BCL3: variants seen among roughly 807,000 people sequenced by gnomAD.
BCL3 encodes the protein B-cell lymphoma 3 protein.
Under a neutral mutation model 35.7 loss-of-function variants are expected in BCL3, and 15 were observed. The ratio of observed to expected loss-of-function variants is 0.42; its 90% CI spans 0.28 to 0.65. BCL3 has a LOEUF of 0.65. BCL3 is among the 30% of genes least tolerant of loss of function. The probability of loss-of-function intolerance (pLI) is 0.22; values close to 1 mark genes in which losing one functional copy is unlikely to be tolerated. For synonymous variants in BCL3, 311 were observed against 284.3 expected (o/e 1.09, Z -0.95); for missense variants, 565 against 641.7 (o/e 0.88, Z 1.29).
chr19:44,751,953 A>C (rs1967188439), intron 2 of BCL3, among the ~76,000 whole-genome samples: 1 of 152,180 alleles, frequency 6.6e-6, no homozygotes, highest in African/African-American at 2.4e-5. Context: ...TCACAACCTA[A>C]AAACAAGAAA....
At chr19:44,752,352 C>G (rs1228916752) in intron 2 of BCL3, among the ~76,000 whole-genome samples, 2 of 151,772 alleles carry the variant, frequency 1.3e-5, no homozygotes, top group Non-Finnish European at 2.9e-5. Flanking sequence ...AGACGCTACC[C>G]CCACACCTGG....
At position 44,759,620 on chromosome 19, in the gene BCL3, G is replaced by A. The variant is rs199642968; in HGVS notation, c.*5G>A. ...CCAGCTCCAGGAGGCAGCTGAGGGG[G>A]ATGGGGGGGCAGATCTTGGACTCAT... On this transcript the variant is annotated 3_prime_UTR_variant, in exon 9 of 9. Coordinates refer to ENST00000164227, the MANE Select transcript of BCL3 (RefSeq NM_005178.5). 7,271 of 1,600,774 alleles carry A rather than the reference G, an allele frequency of 4.5e-3. 28 individuals carry two copies. Among genetic ancestry groups the A allele is most frequent in the Non-Finnish European group, 5.6e-3 (6,552 of 1,177,104 alleles).
rs868370649 is a variant in BCL3, at chr19:44,748,923, G to A, written c.133G>A (p.Ala45Thr). ...RPLRAPSPEP[A>T]APRGAAGLVV... Reference sequence around the variant, plus strand: ...GCTGCGCGCGCCCTCCCCGGAGCCCGCCGCTCCCCGCGGCGCTGCGGGCCT... The same window carrying A: ...GCTGCGCGCGCCCTCCCCGGAGCCCACCGCTCCCCGCGGCGCTGCGGGCCT... The change falls in exon 1 of 9, where the codon GCC (alanine) becomes ACC (threonine). Residue 45 changes from alanine (A) to threonine (T), a missense_variant. Ala to Thr is a moderately conservative substitution (Grantham distance 58). Transcript: ENST00000164227. 6.3e-5 allele frequency: 74 copies of A among 1,178,526 alleles called. No homozygotes were observed. In the African/African-American group the frequency reaches 1.1e-3, roughly 18 times the overall value. The allele number at this position is 1,178,526 out of a possible 1,614,324, so 73.0% of individuals were successfully genotyped here.
chr19:44,747,937 A>AAAC, upstream of BCL3: 1 of 1,050,004 alleles, frequency 9.5e-7, no homozygotes, highest in Non-Finnish European at 1.2e-6. Context: ...CCCCACCCTC[A>AAAC]CCCCACCCCC....
In BCL3 at chr19:44,759,716, C is replaced by G. The variant is rs1323679018; in HGVS notation, c.*101C>G. 6.2e-6 allele frequency: 4 copies of G among 650,034 alleles called. No homozygotes were observed. The Admixed American group carries it at 9.5e-5, about 16-fold the overall frequency. 40.3% of individuals were successfully genotyped at this position (650,034 alleles called of 1,614,324 possible). On this transcript the variant is annotated 3_prime_UTR_variant, in exon 9 of 9. Coordinates refer to ENST00000164227, the MANE Select transcript of BCL3 (RefSeq NM_005178.5). ...GTGAAGATCTCACTCTGCCCCCCCC[C>G]CCCATCTTCGGGACCAGGATTTGCA...
chr19:44,755,912 C>CAAACAAATAAAA (rs1967270880), intron 2 of BCL3, among the ~76,000 whole-genome samples: 1 of 152,032 alleles, frequency 6.6e-6, no homozygotes, highest in Non-Finnish European at 1.5e-5. Flanking sequence ...GAACAACACT[C>CAAACAAATAAAA]CGTCTCAAAC....
At position 44,757,631 on chromosome 19, in the gene BCL3, C is replaced by T; in HGVS notation, c.814-15C>T. 2.5e-6 allele frequency: 4 copies of T among 1,613,154 alleles called. No individual in the cohort carries two copies. The highest frequency in any genetic ancestry group is 2.5e-6 in the Non-Finnish European group (3 of 1,179,528). ...CAGAGCTTGGAGAAACTAAGACCTT[C>T]CCTCCCCGCCGCAGGACATTAAGAG... On this transcript the variant is annotated splice_polypyrimidine_tract_variant and intron_variant, in intron 5 of 8. Transcript: ENST00000164227. This position sits in a 1 kb window ranked among gnomAD's most constrained non-coding sequence, Gnocchi z 8.4.
In BCL3 at chr19:44,748,994, G is replaced by T. The variant is rs767139194; in HGVS notation, c.204G>T (p.Ala68=). The T allele has an allele frequency of 1.6e-5, 22 of 1,384,752 alleles. No homozygotes were observed. In the African/African-American group the frequency reaches 3.2e-4, roughly 20 times the overall value. 85.8% of individuals were successfully genotyped at this position (1,384,752 alleles called of 1,614,324 possible). A position where few individuals can be genotyped will look rare whatever the true frequency, so the allele number is the denominator to read the frequency against. ...DPLRGGCDLP[A]VPGPPHGLAR... is the part of the protein sequence containing the mutation. ...TGCGCGGCGGCTGCGACCTGCCGGC[G>T]GTCCCCGGGCCCCCCCACGGCCTGG... Residue 68 remains alanine (A), a synonymous_variant, in exon 1 of 9, where the codon GCG becomes GCT. Transcript: ENST00000164227.
chr19:44,747,868 C>T, upstream of BCL3: 1 of 1,147,136 alleles, frequency 8.7e-7, no homozygotes, highest in Non-Finnish European at 1.1e-6. Flanking sequence ...CGGTGCCCCG[C>T]GGGCCCCGGC....
intron 1 of BCL3, 89 bp downstream of exon 1, chr19:44,749,135 C>G (rs1455887471): frequency 4.9e-6 from 3 of 616,164 alleles, no homozygotes; most frequent in Non-Finnish European, 6.7e-6. Context: ...AGGCACAAAC[C>G]GGTGTCTCTC....
In BCL3 at chr19:44,759,421, TC is replaced by T; in HGVS notation, c.1178-5del. ...CACCCACCCCTCTGTCTCTCTTCCT[TC>T]CTCAGGTCTTCTCTCCGCATCACCA... On this transcript the variant is annotated splice_polypyrimidine_tract_variant and splice_region_variant and intron_variant, in intron 8 of 8. Coordinates refer to ENST00000164227, the MANE Select transcript of BCL3 (RefSeq NM_005178.5). 6.3e-7 allele frequency: 1 copy of T among 1,575,822 alleles called. No homozygotes were observed. Among genetic ancestry groups the T allele is most frequent in the Non-Finnish European group, 8.6e-7 (1 of 1,162,416 alleles).
Position 44,757,361 on chromosome 19 carries a change from G to C in BCL3, c.759G>C (p.Glu253Asp), listed in dbSNP as rs771030162. Residue 253 changes from glutamate (E) to aspartate (D), a missense_variant, in exon 5 of 9, where the codon GAG becomes GAC. Glu to Asp is a conservative substitution (Grantham distance 45). Coordinates refer to ENST00000164227, the MANE Select transcript of BCL3 (RefSeq NM_005178.5). This position sits in a 1 kb window ranked among gnomAD's most constrained non-coding sequence, Gnocchi z 8.4. ...LTALHVAVNT[E>D]CQETVQLLLE... ...CCCTGCACGTGGCAGTGAACACCGA[G>C]TGCCAAGAAACCGTGCAGCTCTTGC... 1.4e-5 allele frequency: 23 copies of C among 1,606,950 alleles called. No individual in the cohort carries two copies. In the East Asian group the frequency reaches 3.2e-4, roughly 22 times the overall value.
chr19:44,747,836 A>G, upstream of BCL3: 1 of 1,149,080 alleles, frequency 8.7e-7, no homozygotes, highest in Non-Finnish European at 1.1e-6. Context: ...CTGTGCACCT[A>G]GGATTTTCCG....
rs901965741 is a variant in BCL3 at position 44,751,325 on chromosome 19, C to G, written c.355C>G (p.His119Asp). ...ATACCCCATGATGTGCCCCATGGAACACCCCCTTTCTGCTGACATCGCCAT... is the reference window on the plus strand; with the variant it reads ...ATACCCCATGATGTGCCCCATGGAAGACCCCCTTTCTGCTGACATCGCCAT... Reference protein sequence around the residue: ...PLYPMMCPMEHPLSADIAMAT... With the variant: ...PLYPMMCPMEDPLSADIAMAT... Residue 119 changes from histidine to aspartate, a missense_variant, in exon 2 of 9, where the codon CAC becomes GAC. This residue lies in a region of BCL3 where 267 missense variants were observed against 281.5 expected (regional missense o/e 0.95). Transcript: ENST00000164227. 3 of 1,605,670 alleles carry G rather than the reference C, an allele frequency of 1.9e-6. No homozygotes were observed. Among genetic ancestry groups the G allele is most frequent in the South Asian group, 2.2e-5 (2 of 89,948 alleles).
Position 44,758,626 on chromosome 19 carries a change from A to G in BCL3, c.1060-98A>G, listed in dbSNP as rs767664508. The G allele has an allele frequency of 5.9e-5, 76 of 1,279,012 alleles. 2 individuals carry two copies. The South Asian group carries it at 9.3e-4, about 16-fold the overall frequency. 79.2% of individuals were successfully genotyped at this position (1,279,012 alleles called of 1,614,324 possible). On this transcript the variant is annotated intron_variant, in intron 7 of 8. Transcript: ENST00000164227. ...CCTTGCCCATCTTTTCATACTGAGA[A>G]GTGGAGAGGCCACCACCTGGATCCA... is the stretch of plus-strand genomic sequence containing the variant.
intron 2 of BCL3, among the ~76,000 whole-genome samples, chr19:44,755,718 G>C (rs1336631860): frequency 6.6e-6 from 1 of 152,128 alleles, no homozygotes; most frequent in Non-Finnish European, 1.5e-5. Flanking sequence ...AGCAGTTAGA[G>C]ACCAGCCTGG....
rs1159804572 is a variant in BCL3 at position 44,757,739 on chromosome 19, CT to C, written c.891+17del. 3 of 1,612,106 alleles carry C rather than the reference CT, an allele frequency of 1.9e-6. No individual in the cohort carries two copies. Among genetic ancestry groups the C allele is most frequent in the Non-Finnish European group, 1.7e-6 (2 of 1,178,830 alleles). ...GCTGCTGCAGGTGCGTACAGCCCCC[CT>C]GAGCCTCGCGCCCACCCTATCCTCT... On this transcript the variant is annotated intron_variant, in intron 6 of 8. Transcript: ENST00000164227. The surrounding 1 kb of genome is among the most constrained non-coding windows in gnomAD (Gnocchi z 8.4).
chr19:44,750,731 C>T (rs1477890523), intron 1 of BCL3, among the ~76,000 whole-genome samples: 2 of 152,138 alleles, frequency 1.3e-5, no homozygotes, highest in South Asian at 2.1e-4. Context: ...TGCAGTGGGG[C>T]AAGATCGTGC....
At position 44,757,532 on chromosome 19, in the gene BCL3, A is replaced by C. The variant is rs1407579789; in HGVS notation, c.814-114A>C. On this transcript the variant is annotated intron_variant, in intron 5 of 8. Coordinates refer to ENST00000164227, the MANE Select transcript of BCL3 (RefSeq NM_005178.5). This position sits in a 1 kb window ranked among gnomAD's most constrained non-coding sequence, Gnocchi z 8.4. ...AGCACCCGGGTGGGGTGGGGCTTGG[A>C]GTATCAGACCCAAGAGAGAGGCTGG... The C allele has an allele frequency of 2.3e-5, 34 of 1,510,988 alleles. No homozygotes were observed. The highest frequency in any genetic ancestry group is 2.8e-5 in the Non-Finnish European group (31 of 1,099,006). The allele number at this position is 1,510,988 out of a possible 1,614,324, so 93.6% of individuals were successfully genotyped here. A position where few individuals can be genotyped will look rare whatever the true frequency, so the allele number is the denominator to read the frequency against.
Sources: gnomAD v4.1 joint callset for allele counts (sites outside exome capture counted in the v4.1 genomes callset) on GRCh38, gnomAD v4.1.1 for gene constraint, gnomAD v4.1.1 regional missense constraint, Gnocchi (gnomAD v3.1) non-coding constraint, MANE v1.5 for transcripts, NCBI Gene and HGNC (gene_info 2026-07-23, HGNC 2026-07-21) for gene names.